GRID2: variants seen among roughly 807,000 people sequenced by gnomAD.
GRID2 encodes glutamate receptor ionotropic, delta-2.
In GRID2, 33 loss-of-function variants were observed where a neutral mutation model predicts 114.8. The ratio of observed to expected loss-of-function variants is 0.29; its 90% CI spans 0.22 to 0.38. The LOEUF (loss-of-function observed/expected upper bound fraction) is 0.38, where lower values mean the gene tolerates loss of function less well. Among genes scored for constraint, GRID2 ranks in the 10% least tolerant of loss-of-function variants. The pLI, the probability that GRID2 is intolerant of heterozygous loss-of-function variation, is 1.00. For missense variants in GRID2, 1,184 were observed against 1,257.7 expected (o/e 0.94, Z 0.89); for synonymous variants, 505 against 449.9 (o/e 1.12, Z -1.55).
At chr4:93,480,290 C>A (rs982960212) in intron 11 of GRID2, among the ~76,000 whole-genome samples, 2 of 151,900 alleles carry the variant, frequency 1.3e-5, no homozygotes, top group Non-Finnish European at 2.9e-5. Flanking sequence ...AAGGACATAT[C>A]AAAAAATGCT....
intron 1 of GRID2, among the ~76,000 whole-genome samples, chr4:92,309,550 A>C (rs998642779): frequency 6.6e-6 from 1 of 151,758 alleles, no homozygotes; most frequent in African/African-American, 2.4e-5. Context: ...TGAAAACCAC[A>C]TGAAATATTT....
At chr4:92,371,050 C>A (rs1347146835) in intron 1 of GRID2, among the ~76,000 whole-genome samples, 1 of 152,050 alleles carries the variant, frequency 6.6e-6, no homozygotes, top group African/African-American at 2.4e-5. Context: ...ACAATTTAAT[C>A]CAAATAAAAG....
intron 6 of GRID2, among the ~76,000 whole-genome samples, chr4:93,220,825 A>G (rs1744788029): frequency 6.6e-6 from 1 of 152,204 alleles, no homozygotes; most frequent in African/African-American, 2.4e-5. Context: ...TGGACCTAAT[A>G]TTTTTAAAAC....
At chr4:92,781,039 G>A (rs1189260600) in intron 2 of GRID2, among the ~76,000 whole-genome samples, 17 of 152,126 alleles carry the variant, frequency 1.1e-4, no homozygotes, top group Non-Finnish European at 7.4e-5. Context: ...GAGGTCAGGA[G>A]TTTGAGACCA....
intron 2 of GRID2, among the ~76,000 whole-genome samples, chr4:92,895,224 A>G (rs1747073177): frequency 1.3e-5 from 2 of 151,630 alleles, no homozygotes; most frequent in African/African-American, 4.9e-5. Flanking sequence ...ATGTAAGACA[A>G]GTTTTGAAGA....
chr4:92,350,674 T>G (rs1291065416), intron 1 of GRID2, among the ~76,000 whole-genome samples: 1 of 151,870 alleles, frequency 6.6e-6, no homozygotes, highest in Non-Finnish European at 1.5e-5. Context: ...ACAGCTTTAT[T>G]GAGATATAAT....
At chr4:92,780,053 T>G (rs978772924) in intron 2 of GRID2, among the ~76,000 whole-genome samples, 4 of 152,024 alleles carry the variant, frequency 2.6e-5, no homozygotes, top group African/African-American at 9.7e-5. Context: ...AAAACAAAAC[T>G]AATAGAGAAG....
At chr4:92,431,653 C>T (rs535449405) in intron 1 of GRID2, among the ~76,000 whole-genome samples, 5 of 151,250 alleles carry the variant, frequency 3.3e-5, no homozygotes, top group East Asian at 3.9e-4. Flanking sequence ...AAAGACTTTC[C>T]GTCTCTATGT....
chr4:92,728,246 G>A (rs1560557528), intron 2 of GRID2, among the ~76,000 whole-genome samples: 1 of 151,922 alleles, frequency 6.6e-6, no homozygotes, highest in Non-Finnish European at 1.5e-5. Flanking sequence ...CTCTTCTGTT[G>A]CTAGTAACAA....
chr4:92,473,789 TTC>T (rs1328321343), intron 1 of GRID2, among the ~76,000 whole-genome samples: 12 of 152,078 alleles, frequency 7.9e-5, no homozygotes, highest in Admixed American at 7.9e-4. Flanking sequence ...TATAATTTGT[TTC>T]TTTTTTTGAT....
At chr4:93,749,833 G>A (rs957793163) in intron 14 of GRID2, among the ~76,000 whole-genome samples, 2 of 152,132 alleles carry the variant, frequency 1.3e-5, no homozygotes, top group Non-Finnish European at 2.9e-5. Context: ...GGTTGTTTAA[G>A]CTAACACAAA....
intron 4 of GRID2, among the ~76,000 whole-genome samples, chr4:93,176,254 A>G (rs1326355708): frequency 1.3e-5 from 2 of 152,176 alleles, no homozygotes; most frequent in Non-Finnish European, 2.9e-5. Context: ...AGATTGGATA[A>G]TTAGAAGTTG....
intron 2 of GRID2, among the ~76,000 whole-genome samples, chr4:92,683,787 A>G (rs1560530878): frequency 6.6e-6 from 1 of 151,940 alleles, no homozygotes; most frequent in African/African-American, 2.4e-5. Context: ...ATTTAAAGCA[A>G]AAATAAATTC....
intron 2 of GRID2, among the ~76,000 whole-genome samples, chr4:92,893,353 T>C (rs542046294): frequency 6.6e-6 from 1 of 152,214 alleles, no homozygotes; most frequent in East Asian, 1.9e-4. Context: ...GAACTCTTTA[T>C]TCCATATTGG....
In GRID2 at chr4:92,785,456, A is replaced by C. The variant is rs1302965477; in HGVS notation, c.244+195170A>C. Among the ~76,000 whole-genome samples, 3 of 151,416 alleles carry C rather than the reference A, an allele frequency of 2.0e-5. No individual in the cohort carries two copies. The East Asian group carries it at 5.8e-4, about 29-fold the overall frequency. Reference sequence around the variant, plus strand: ...TAGTTTTTTCCAAGATACGTTTTTGAGAAATGAGGAGAAAAAAAATATAAG... The same window carrying C: ...TAGTTTTTTCCAAGATACGTTTTTGCGAAATGAGGAGAAAAAAAATATAAG... On this transcript the variant is annotated intron_variant, in intron 2 of 15. Transcript: ENST00000282020.
At chr4:93,180,117 T>A (rs1739743458) in intron 4 of GRID2, among the ~76,000 whole-genome samples, 1 of 152,068 alleles carries the variant, frequency 6.6e-6, no homozygotes, top group Admixed American at 6.6e-5. Context: ...AATTGGATGC[T>A]ATACTTGCCC....
chr4:93,276,841 G>A (rs1752107038), intron 8 of GRID2, among the ~76,000 whole-genome samples: 2 of 151,778 alleles, frequency 1.3e-5, no homozygotes, highest in South Asian at 4.1e-4. Flanking sequence ...ATATGGAGTG[G>A]CTAGTAAAAC....
intron 1 of GRID2, among the ~76,000 whole-genome samples, chr4:92,589,030 C>T (rs541294586): frequency 5.9e-5 from 9 of 152,224 alleles, no homozygotes; most frequent in East Asian, 5.8e-4. Flanking sequence ...GGCTTGAACC[C>T]GGGAGGCGGA....
intron 8 of GRID2, among the ~76,000 whole-genome samples, chr4:93,249,351 A>G (rs1014051669): frequency 1.3e-5 from 2 of 151,996 alleles, no homozygotes; most frequent in South Asian, 2.1e-4. Flanking sequence ...TCTTGGCTAT[A>G]TGGGCTCTTT....
Sources: gnomAD v4.1 joint callset for allele counts (sites outside exome capture counted in the v4.1 genomes callset) on GRCh38, gnomAD v4.1.1 for gene constraint, MANE v1.5 for transcripts, NCBI Gene and HGNC (gene_info 2026-07-23, HGNC 2026-07-21) for gene names.